Variants in DERA observed in about 807,000 individuals in gnomAD.
The protein encoded by DERA is 2-deoxy-D-ribose 5-phosphate aldolase.
DERA carries 15 observed loss-of-function variants against 41.1 expected under a neutral mutation model. The ratio of observed to expected loss-of-function variants is 0.37; its 90% CI spans 0.24 to 0.56. The LOEUF (loss-of-function observed/expected upper bound fraction) is 0.56. Ranked by LOEUF, DERA falls within the 20% of genes least tolerant of loss-of-function variation. The pLI, the probability that DERA is intolerant of heterozygous loss-of-function variation, is 0.81. For missense variants in DERA, 396 were observed against 403.4 expected, an observed-to-expected ratio of 0.98 and a Z score of 0.16; for synonymous variants, 139 against 137.4, an observed-to-expected ratio of 1.01 and a Z score of -0.08.
chr12:16,001,991 AT>A lies in DERA; in HGVS notation c.637+19557del, dbSNP rs1195097510. Among the ~76,000 whole-genome samples the A allele has an allele frequency of 2.6e-5, 4 of 151,838 alleles. No homozygotes were observed. Among genetic ancestry groups the A allele is most frequent in the East Asian group, 3.9e-4 (2 of 5,174 alleles). ...AACAGCAAGGTTATTCTTTTTTTTT[AT>A]TATTATTATGCTTTAAGTTTTAGGG... On this transcript the variant is annotated intron_variant, in intron 6 of 8. Coordinates refer to ENST00000428559, the MANE Select transcript of DERA (RefSeq NM_015954.4). This position sits in a 1 kb window ranked among gnomAD's most constrained non-coding sequence, Gnocchi z 4.1.
At chr12:16,033,510 C>T (rs1949106769) in intron 7 of DERA, among the ~76,000 whole-genome samples, 1 of 149,994 alleles carries the variant, frequency 6.7e-6, no homozygotes, top group Admixed American at 6.6e-5. Context: ...TTTTCCTTTT[C>T]ATCTCAAGTT....
intron 4 of DERA, 33 bp from the exon 5 acceptor site, chr12:15,962,780 C>G (rs1351723973): frequency 1.3e-6 from 2 of 1,512,046 alleles, no homozygotes; most frequent in Non-Finnish European, 1.8e-6. Context: ...CCCTCCTTCC[C>G]TCTTTCTTCA....
intron 6 of DERA, among the ~76,000 whole-genome samples, chr12:16,022,997 T>C (rs1949026564): frequency 1.3e-5 from 2 of 152,180 alleles, no homozygotes; most frequent in African/African-American, 4.8e-5. Context: ...GACAAAATAC[T>C]AAGTCTTTTC....
In DERA at chr12:15,999,220, G is replaced by T. The variant is rs1218360762; in HGVS notation, c.637+16784G>T. On this transcript the variant is annotated intron_variant, in intron 6 of 8. Coordinates refer to ENST00000428559, the MANE Select transcript of DERA (RefSeq NM_015954.4). This position sits in a 1 kb window ranked among gnomAD's most constrained non-coding sequence, Gnocchi z 5.3. ...GGGGATATTTCTTTCCCTCGAATGGGTTCATCCAAATATTTGATGAAGGCA... is the reference window on the plus strand; with the variant it reads ...GGGGATATTTCTTTCCCTCGAATGGTTTCATCCAAATATTTGATGAAGGCA... Among the ~76,000 whole-genome samples the T allele has an allele frequency of 1.3e-5, 2 of 152,128 alleles. No individual in the cohort carries two copies. Among genetic ancestry groups the T allele is most frequent in the Admixed American group, 1.3e-4 (2 of 15,276 alleles).
intron 5 of DERA, 54 bp downstream of exon 5, chr12:15,963,001 G>C: frequency 1.3e-6 from 2 of 1,568,110 alleles, no homozygotes; most frequent in Non-Finnish European, 1.7e-6. Flanking sequence ...TGGTGAATCA[G>C]ATGATGAGGT....
At position 16,026,063 on chromosome 12, in the gene DERA, T is replaced by G. The variant is rs944506233; in HGVS notation, c.638-6479T>G. Among the ~76,000 whole-genome samples, 1 of 152,002 alleles carries G rather than the reference T, an allele frequency of 6.6e-6. No homozygotes were observed. On this transcript the variant is annotated intron_variant, in intron 6 of 8. Coordinates refer to ENST00000428559, the MANE Select transcript of DERA (RefSeq NM_015954.4). The surrounding 1 kb of genome is among the most constrained non-coding windows in gnomAD (Gnocchi z 4.4). ...TCCAAAAGCAGTGCTTAGAAAGAAA[T>G]GTATGGCATTAGATGCATATATTAG...
chr12:16,036,386 G>A lies in DERA; in HGVS notation c.900+5G>A, dbSNP rs368674782. On this transcript the variant is annotated splice_donor_5th_base_variant and intron_variant, in intron 8 of 8. Coordinates refer to ENST00000428559, the MANE Select transcript of DERA (RefSeq NM_015954.4). This position sits in a 1 kb window ranked among gnomAD's most constrained non-coding sequence, Gnocchi z 4.9. The stretch of plus-strand genomic sequence containing the variant: ...CTCTCGGACATTGAGAGGCAGGTGA[G>A]TAATCATCTCTGTCTTTGGAATAAA... 2.0e-5 allele frequency: 32 copies of A among 1,585,936 alleles called. No individual in the cohort carries two copies. The highest frequency in any genetic ancestry group is 2.5e-5 in the Non-Finnish European group (29 of 1,169,764).
chr12:16,023,509 G>A (rs1949032217), intron 6 of DERA, among the ~76,000 whole-genome samples: 2 of 123,100 alleles, frequency 1.6e-5, no homozygotes, highest in Non-Finnish European at 3.1e-5. Context: ...ACGGAGTCTC[G>A]CTCTGTCACC....
chr12:16,032,446 C>T (rs926101207), intron 6 of DERA, 96 bp from the exon 7 acceptor site: 10 of 699,618 alleles, frequency 1.4e-5, no homozygotes, highest in South Asian at 4.3e-5. Flanking sequence ...TGGGTTTCTT[C>T]GGGAAAAAAT....
chr12:15,989,471 A>C lies in DERA; in HGVS notation c.637+7035A>C, dbSNP rs1028744109. On this transcript the variant is annotated intron_variant, in intron 6 of 8. Coordinates refer to ENST00000428559, the MANE Select transcript of DERA (RefSeq NM_015954.4). The surrounding 1 kb of genome is among the most constrained non-coding windows in gnomAD (Gnocchi z 5.2). The stretch of plus-strand genomic sequence containing the variant: ...CTGGTTGAGATCATATTTTCCTTTA[A>C]GTACTTGAGTATATTTGTAATAGCT... Among the ~76,000 whole-genome samples, 1 of 152,126 alleles carries C rather than the reference A, an allele frequency of 6.6e-6. No homozygotes were observed. Among genetic ancestry groups the C allele is most frequent in the East Asian group, 1.9e-4 (1 of 5,190 alleles).
At chr12:15,977,420 G>A (rs1948705043) in intron 5 of DERA, among the ~76,000 whole-genome samples, 1 of 152,120 alleles carries the variant, frequency 6.6e-6, no homozygotes, top group Non-Finnish European at 1.5e-5. Context: ...AGTAAGATTT[G>A]GAGCAAGTCA....
Position 15,936,886 on chromosome 12 carries a change from T to TGTCCTGTCCTGTCCTGTCCTGTCCTGTCC in DERA, c.32-20050_32-20049insGTCCTGTCCTGTCCTGTCCTGTCCTGTCC, listed in dbSNP as rs1948369017. Among the ~76,000 whole-genome samples the TGTCCTGTCCTGTCCTGTCCTGTCCTGTCC allele has an allele frequency of 7.6e-4, 104 of 136,914 alleles. 1 individual carries two copies. Among genetic ancestry groups the TGTCCTGTCCTGTCCTGTCCTGTCCTGTCC allele is most frequent in the African/African-American group, 3.2e-3 (101 of 31,254 alleles). 89.8% of individuals were successfully genotyped at this position (136,914 alleles called of 152,430 possible). On this transcript the variant is annotated intron_variant, in intron 1 of 8. Coordinates refer to ENST00000428559, the MANE Select transcript of DERA (RefSeq NM_015954.4). This position sits in a 1 kb window ranked among gnomAD's most constrained non-coding sequence, Gnocchi z 4.6. ...TTGTCTTGTCTTGTCTTGTCTTGTCTTGTCCTGTCCTGTCCTGTCCTGTCC... is the reference window on the plus strand; with the variant it reads ...TTGTCTTGTCTTGTCTTGTCTTGTCTGTCCTGTCCTGTCCTGTCCTGTCCTGTCCTGTCCTGTCCTGTCCTGTCCTGTCC...
chr12:15,995,438 T>A lies in DERA; in HGVS notation c.637+13002T>A, dbSNP rs1309923776. On this transcript the variant is annotated intron_variant, in intron 6 of 8. Transcript: ENST00000428559. The surrounding 1 kb of genome is among the most constrained non-coding windows in gnomAD (Gnocchi z 5.1). ...GGCTGCTTCCACTGTTATTTGTGTT[T>A]AGCTACTCTGTTGATGTCCCTGTAG... is the stretch of plus-strand genomic sequence containing the variant. Among the ~76,000 whole-genome samples the A allele has an allele frequency of 2.6e-5, 4 of 152,146 alleles. No homozygotes were observed. Among genetic ancestry groups the A allele is most frequent in the South Asian group, 2.1e-4 (1 of 4,822 alleles).
rs1021669114 is a variant in DERA at position 15,915,621 on chromosome 12, T to C, written c.31+4207T>C. 1.3e-5 allele frequency among the ~76,000 whole-genome samples: 2 copies of C among 152,160 alleles called. No individual in the cohort carries two copies. Among genetic ancestry groups the C allele is most frequent in the Admixed American group, 1.3e-4 (2 of 15,272 alleles). ...AGAATGGCATCTTAAACCTCAACAA[T>C]AGGCAAAGGCTATCTGTTTGCATAA... On this transcript the variant is annotated intron_variant, in intron 1 of 8. Coordinates refer to ENST00000428559, the MANE Select transcript of DERA (RefSeq NM_015954.4). This position sits in a 1 kb window ranked among gnomAD's most constrained non-coding sequence, Gnocchi z 4.8.
intron 1 of DERA, among the ~76,000 whole-genome samples, chr12:15,939,113 T>C (rs187811093): frequency 2.5e-4 from 38 of 152,324 alleles, no homozygotes; most frequent in African/African-American, 7.0e-4. Flanking sequence ...AGCTACCTTG[T>C]TGGAAAAGGC....
chr12:15,964,177 A>T (rs2417511), intron 5 of DERA, among the ~76,000 whole-genome samples: 150,384 of 152,300 alleles, frequency 0.99, 74,284 homozygotes, highest in Middle Eastern at 1. Flanking sequence ...ACTCATCTCC[A>T]AGACCATAGG....
rs1376107364 is a variant in DERA, at chr12:15,915,954, C to G, written c.31+4540C>G. Among the ~76,000 whole-genome samples the G allele has an allele frequency of 2.6e-5, 4 of 152,230 alleles. No homozygotes were observed. The highest frequency in any genetic ancestry group is 9.7e-5 in the African/African-American group (4 of 41,450). On this transcript the variant is annotated intron_variant, in intron 1 of 8. Coordinates refer to ENST00000428559, the MANE Select transcript of DERA (RefSeq NM_015954.4). The surrounding 1 kb of genome is among the most constrained non-coding windows in gnomAD (Gnocchi z 4.8). Reference sequence around the variant, plus strand: ...AATGCTACATGCTTAAACAACCACACTGTGTCGACTGGTGCTAACTGGGAG... The same window carrying G: ...AATGCTACATGCTTAAACAACCACAGTGTGTCGACTGGTGCTAACTGGGAG...
intron 5 of DERA, among the ~76,000 whole-genome samples, chr12:15,980,744 T>G (rs1227159401): frequency 6.6e-6 from 1 of 152,200 alleles, no homozygotes; most frequent in Non-Finnish European, 1.5e-5. Context: ...TTGAACCTTC[T>G]GTGGGTACCA....
chr12:16,016,791 CAAAAAAAAAAAA>C (rs55996641), intron 6 of DERA, among the ~76,000 whole-genome samples: 4 of 58,674 alleles, frequency 6.8e-5, no homozygotes, highest in Middle Eastern at 0.023. Flanking sequence ...GACCCTGTCT[CAAAAAAAAAAAA>C]AAAAAAAAAA....
Sources: allele counts gnomAD v4.1 joint callset (sites outside exome capture counted in the v4.1 genomes callset), GRCh38; gene constraint gnomAD v4.1.1; non-coding constraint Gnocchi (gnomAD v3.1); transcripts MANE v1.5; gene names NCBI Gene and HGNC (gene_info 2026-07-23, HGNC 2026-07-21).